Variants in VTI1A observed in about 807,000 individuals in gnomAD.
The protein encoded by VTI1A is vesicle transport through interaction with t-SNAREs 1A.
A neutral mutation model predicts 34.9 loss-of-function variants in VTI1A; 22 were observed. That is an observed-to-expected ratio of 0.63 (90% confidence interval 0.45 to 0.90). The LOEUF is 0.90. Among genes scored for constraint, VTI1A ranks in the 40% least tolerant of loss-of-function variants. The pLI is 0.00. For missense variants in VTI1A, 268 were observed against 275.6 expected (o/e 0.97, Z 0.20); for synonymous variants, 87 against 97.3 (o/e 0.89, Z 0.62).
intron 5 of VTI1A, among the ~76,000 whole-genome samples, chr10:112,572,522 A>T (rs560593686): frequency 6.6e-6 from 1 of 152,228 alleles, no homozygotes; most frequent in Non-Finnish European, 1.5e-5. Context: ...GCTGTTTGTC[A>T]TAATAACTTT....
chr10:112,533,534 T>C, intron 4 of VTI1A: 1 of 1,012,810 alleles, frequency 9.9e-7, no homozygotes, highest in Non-Finnish European at 1.2e-6. Context: ...TTGCAGTTGA[T>C]AAAATTACGT....
chr10:112,674,898 A>G (rs1847974214), intron 7 of VTI1A, among the ~76,000 whole-genome samples: 1 of 152,230 alleles, frequency 6.6e-6, no homozygotes, highest in African/African-American at 2.4e-5. Flanking sequence ...TGAGAAGAGT[A>G]AGAACAAACA....
At chr10:112,603,159 G>A (rs1163859178) in intron 5 of VTI1A, among the ~76,000 whole-genome samples, 7 of 152,142 alleles carry the variant, frequency 4.6e-5, no homozygotes, top group Admixed American at 3.9e-4. Context: ...GAGCCATATC[G>A]GGGGAACTGA....
intron 3 of VTI1A, among the ~76,000 whole-genome samples, chr10:112,495,234 T>G (rs200234378): frequency 0.28 from 39,366 of 140,670 alleles, 6,072 homozygotes; most frequent in East Asian, 0.69. Flanking sequence ...TAAAAAAAAA[T>G]TTTCTCCATA....
At chr10:112,644,716 CTG>C (rs779391246) in intron 5 of VTI1A, among the ~76,000 whole-genome samples, 16 of 152,126 alleles carry the variant, frequency 1.1e-4, no homozygotes, top group Non-Finnish European at 1.8e-4. Context: ...ACATTTCTAA[CTG>C]TTTTTTAAAC....
chr10:112,810,172 A>G (rs1013642680), intron 7 of VTI1A, among the ~76,000 whole-genome samples: 55 of 152,088 alleles, frequency 3.6e-4, no homozygotes, highest in African/African-American at 1.2e-3. Context: ...GGAGGCCAAG[A>G]TGGGCAGATC....
the VTI1A span, among the ~76,000 whole-genome samples, chr10:112,852,343 G>GT: frequency 6.6e-6 from 1 of 152,012 alleles, no homozygotes; most frequent in Non-Finnish European, 1.5e-5. Flanking sequence ...ATTTTCCCAC[G>GT]TTGAGAAAGC....
intron 3 of VTI1A, among the ~76,000 whole-genome samples, chr10:112,520,621 ATGTGTGTGTGTGTG>A (rs150383079): frequency 1.2e-4 from 17 of 138,090 alleles, no homozygotes; most frequent in African/African-American, 4.6e-4. Flanking sequence ...TAGTCTCTAT[ATGTGTGTGTGTGTG>A]TGTGTGTGTG....
At chr10:112,570,497 A>G (rs1400378675) in intron 5 of VTI1A, among the ~76,000 whole-genome samples, 1 of 152,256 alleles carries the variant, frequency 6.6e-6, no homozygotes, top group Non-Finnish European at 1.5e-5. Flanking sequence ...AATTAGTATC[A>G]AATGTATTTT....
intron 5 of VTI1A, among the ~76,000 whole-genome samples, chr10:112,593,805 C>T (rs1051644944): frequency 4.0e-4 from 61 of 152,134 alleles, no homozygotes; most frequent in Admixed American, 3.5e-3. Context: ...GCCACAATCT[C>T]GGCTCACTGC....
At chr10:112,588,551 A>G (rs1191060439) in intron 5 of VTI1A, among the ~76,000 whole-genome samples, 1 of 152,206 alleles carries the variant, frequency 6.6e-6, no homozygotes, top group Non-Finnish European at 1.5e-5. Flanking sequence ...TTCTTTTGAA[A>G]TGAATAATAA....
At chr10:112,583,971 A>T (rs1257582063) in intron 5 of VTI1A, among the ~76,000 whole-genome samples, 1 of 152,206 alleles carries the variant, frequency 6.6e-6, no homozygotes, top group Admixed American at 6.5e-5. Flanking sequence ...TTGCCTTGTC[A>T]TATGGCAGTC....
At chr10:112,517,414 G>A (rs7895362) in intron 3 of VTI1A, among the ~76,000 whole-genome samples, 19,316 of 152,008 alleles carry the variant, frequency 0.13, 1,437 homozygotes, top group East Asian at 0.28. Context: ...AGTAATGATT[G>A]AATAGACAAA....
intron 3 of VTI1A, 165 bp downstream of exon 3, chr10:112,464,822 C>T: frequency 3.2e-6 from 2 of 620,468 alleles, no homozygotes; most frequent in South Asian, 4.1e-5. Flanking sequence ...ATAGAGATAG[C>T]TAATGGTGGA....
intron 5 of VTI1A, among the ~76,000 whole-genome samples, chr10:112,564,492 A>G (rs532675520): frequency 3.4e-4 from 51 of 151,766 alleles, no homozygotes; most frequent in African/African-American, 1.2e-3. Flanking sequence ...GTTAAGTTGT[A>G]GTGTCACTGA....
At chr10:112,702,278 G>A (rs949678918) in intron 7 of VTI1A, among the ~76,000 whole-genome samples, 1 of 152,188 alleles carries the variant, frequency 6.6e-6, no homozygotes, top group African/African-American at 2.4e-5. Context: ...AACAAACATG[G>A]CACCTACAGC....
intron 7 of VTI1A, among the ~76,000 whole-genome samples, chr10:112,725,304 T>G (rs10885377): frequency 0.18 from 27,373 of 152,216 alleles, 5,042 homozygotes; most frequent in African/African-American, 0.46. Flanking sequence ...GTTCATTTTA[T>G]GTATTTGAAT....
intron 7 of VTI1A, among the ~76,000 whole-genome samples, chr10:112,723,094 ATAG>A (rs1301816491): frequency 6.6e-6 from 1 of 152,224 alleles, no homozygotes; most frequent in African/African-American, 2.4e-5. Flanking sequence ...CAAGATAATA[ATAG>A]TAGTTACAAA....
chr10:112,678,972 C>T (rs1848122882), intron 7 of VTI1A, among the ~76,000 whole-genome samples: 2 of 116,576 alleles, frequency 1.7e-5, no homozygotes, highest in Non-Finnish European at 1.6e-5. Context: ...GGCTTGTTTT[C>T]ATTTTTGTTT....
Sources: allele counts gnomAD v4.1 joint callset (sites outside exome capture counted in the v4.1 genomes callset), GRCh38; gene constraint gnomAD v4.1.1; transcripts MANE v1.5; gene names NCBI Gene and HGNC (gene_info 2026-07-23, HGNC 2026-07-21).